The following COL18A1 variants were observed in gnomAD, a reference collection of about 807,000 sequenced individuals.
The protein encoded by COL18A1 is collagen type XVIII alpha 1 chain.
A neutral mutation model predicts 168.0 loss-of-function variants in COL18A1; 133 were observed. That is an observed-to-expected ratio of 0.79 (90% CI 0.69 to 0.91). The LOEUF is 0.91. COL18A1 is among the 40% of genes least tolerant of loss of function. The pLI is 0.00. For missense variants in COL18A1, 2,126 were observed against 1,925.4 expected (o/e 1.10, Z -1.95); for synonymous variants, 949 against 809.0 (o/e 1.17, Z -2.94).
chr21:45,466,042 G>T (rs2035196439), intron 2 of COL18A1, among the ~76,000 whole-genome samples: 1 of 152,158 alleles, frequency 6.6e-6, no homozygotes, highest in African/African-American at 2.4e-5. Context: ...ACTCACAGGA[G>T]ACCCCCAGTC....
intron 2 of COL18A1, among the ~76,000 whole-genome samples, chr21:45,433,927 C>T (rs75835462): frequency 0.019 from 2,838 of 151,976 alleles, 91 homozygotes; most frequent in African/African-American, 0.064. Context: ...CCAGGAACCC[C>T]AGTTTTTGTG....
Position 45,463,688 on chromosome 21 carries a change from G to A in COL18A1, c.107-4554G>A, listed in dbSNP as rs141952707. ...CGAGGCATGCGGATCGCCTGAGGTC[G>A]GGAGTTGGAGACCAGCCTGACCAAC... On this transcript the variant is annotated intron_variant, in intron 2 of 41. Coordinates refer to ENST00000651438, the MANE Select transcript of COL18A1 (RefSeq NM_001379500.1). The surrounding 1 kb of genome is among the most constrained non-coding windows in gnomAD (Gnocchi z 4.0). Among the ~76,000 whole-genome samples, 616 of 152,194 alleles carry A rather than the reference G, an allele frequency of 4.0e-3. 6 individuals are homozygous for A. Among genetic ancestry groups the A allele is most frequent in the African/African-American group, 0.014 (595 of 41,534 alleles).
intron 2 of COL18A1, among the ~76,000 whole-genome samples, chr21:45,445,309 A>G (rs2034480977): frequency 6.6e-6 from 1 of 152,188 alleles, no homozygotes; most frequent in Non-Finnish European, 1.5e-5. Flanking sequence ...GCTGTCACTG[A>G]ATAATGTCCC....
chr21:45,490,596 C>T (rs1568921970), intron 20 of COL18A1, among the ~76,000 whole-genome samples: 3 of 150,468 alleles, frequency 2.0e-5, no homozygotes, highest in Non-Finnish European at 4.4e-5. Context: ...CTCCGTGTGC[C>T]CTCCCGGGTC....
chr21:45,486,334 C>T lies in COL18A1; in HGVS notation c.1702-527C>T, dbSNP rs189947652. On this transcript the variant is annotated intron_variant, in intron 15 of 41. Transcript: ENST00000651438. ...TCTCCTCTCTTCTCCCCTCGCCTGC[C>T]GGGGAGCCAGGGCTGGTCCCAGGGT... Among the ~76,000 whole-genome samples the T allele has an allele frequency of 2.3e-4, 30 of 129,168 alleles. 1 individual carries two copies. The East Asian group carries it at 6.3e-3, about 27-fold the overall frequency. 84.7% of individuals were successfully genotyped at this position (129,168 alleles called of 152,430 possible).
intron 18 of COL18A1, among the ~76,000 whole-genome samples, 164 bp from the exon 19 acceptor site, chr21:45,489,322 C>T (rs2036219234): frequency 6.6e-6 from 1 of 152,196 alleles, no homozygotes; most frequent in African/African-American, 2.4e-5. Context: ...CCACGGGGTC[C>T]CTGCACAAGT....
rs1421453146 is a variant in COL18A1, at chr21:45,457,071, A to G, written c.107-11171A>G. Among the ~76,000 whole-genome samples, 5 of 152,116 alleles carry G rather than the reference A, an allele frequency of 3.3e-5. No homozygotes were observed. The highest frequency in any genetic ancestry group is 1.3e-4 in the Admixed American group (2 of 15,286). On this transcript the variant is annotated intron_variant, in intron 2 of 41. Transcript: ENST00000651438. The surrounding 1 kb of genome is among the most constrained non-coding windows in gnomAD (Gnocchi z 4.6). ...GTGGGGAGGAGGCCGGCGTCTGGAC[A>G]GGAAGAGGGCTGGATGAACCGCAGC...
intron 2 of COL18A1, among the ~76,000 whole-genome samples, chr21:45,461,460 C>G (rs2035044462): frequency 6.6e-6 from 1 of 152,142 alleles, no homozygotes; most frequent in South Asian, 2.1e-4. Context: ...GCACCAGTCC[C>G]TACCCCTTAT....
At position 45,509,550 on chromosome 21, in the gene COL18A1, G is replaced by T; in HGVS notation, c.3444G>T (p.Pro1148=). ...PHHSSYVHLR[P]ARPTSPPAHS... Reference sequence around the variant, plus strand: ...ACAGCTCCTACGTGCACCTGCGGCCGGCGCGACCCACAAGCCCACCCGCCC... The same window carrying T: ...ACAGCTCCTACGTGCACCTGCGGCCTGCGCGACCCACAAGCCCACCCGCCC... The change falls in exon 39 of 42, where the codon CCG becomes CCT. Residue 1148 remains proline (P), a synonymous_variant. Transcript: ENST00000651438. 1.3e-6 allele frequency: 2 copies of T among 1,536,742 alleles called. No individual in the cohort carries two copies. The highest frequency in any genetic ancestry group is 2.4e-5 in the East Asian group (1 of 41,346).
rs187591322 is a variant in COL18A1 at position 45,428,621 on chromosome 21, G to A, written c.106+23148G>A. 5.6e-4 allele frequency among the ~76,000 whole-genome samples: 86 copies of A among 152,312 alleles called. 1 individual carries two copies. In the East Asian group the frequency reaches 0.014, roughly 25 times the overall value. ...GAGAGAGGGAGCCCTGGGCCATCAC[G>A]CAGCCACCGCCCGGCCCCAAGAACC... On this transcript the variant is annotated intron_variant, in intron 2 of 41. Transcript: ENST00000651438.
chr21:45,413,257 G>A (rs760580378), intron 2 of COL18A1, among the ~76,000 whole-genome samples: 5 of 152,224 alleles, frequency 3.3e-5, no homozygotes, highest in South Asian at 2.1e-4. Flanking sequence ...TGAGCCCCGC[G>A]CTGTGCCTGC....
At chr21:45,509,005 G>A (rs2037412982) in intron 38 of COL18A1, among the ~76,000 whole-genome samples, 2 of 152,150 alleles carry the variant, frequency 1.3e-5, no homozygotes, top group Non-Finnish European at 1.5e-5. Context: ...CAAGGCCCTG[G>A]GAGATTAGAA....
intron 2 of COL18A1, among the ~76,000 whole-genome samples, chr21:45,416,636 C>T (rs1051555339): frequency 8.5e-5 from 13 of 152,236 alleles, no homozygotes; most frequent in African/African-American, 2.7e-4. Flanking sequence ...CCTGGTCACC[C>T]GGCATCTCTT....
At position 45,405,561 on chromosome 21, in the gene COL18A1, C is replaced by T. The variant is rs986441476; in HGVS notation, c.106+88C>T. The T allele has an allele frequency of 3.5e-5, 28 of 790,546 alleles. No homozygotes were observed. The African/African-American group carries it at 4.6e-4, about 13-fold the overall frequency. 49.0% of individuals were successfully genotyped at this position (790,546 alleles called of 1,614,324 possible). A position where few individuals can be genotyped will look rare whatever the true frequency, so the allele number is the denominator to read the frequency against. On this transcript the variant is annotated intron_variant, in intron 2 of 41. Coordinates refer to ENST00000651438, the MANE Select transcript of COL18A1 (RefSeq NM_001379500.1). ...GGGTCCCCGCCCGGCTCCCTCACCC[C>T]CGCCCCGGCCGCTCTGGGTTCAGCC...
At chr21:45,489,342 T>C (rs1183248633) in intron 18 of COL18A1, 144 bp from the exon 19 acceptor site, 2 of 739,064 alleles carry the variant, frequency 2.7e-6, no homozygotes, top group African/African-American at 3.5e-5. Flanking sequence ...TTGCTCAGTG[T>C]CCCTGGGACC....
intron 2 of COL18A1, among the ~76,000 whole-genome samples, chr21:45,436,110 T>A (rs989558472): frequency 3.9e-5 from 6 of 152,198 alleles, no homozygotes; most frequent in Admixed American, 1.3e-4. Flanking sequence ...GTATCCTCTG[T>A]GAGCAAGAGC....
In COL18A1 at chr21:45,512,413, C is replaced by A. The variant is rs149459132; in HGVS notation, c.*15C>A. ...CCTCCAAGTAGCCACCGCCTGGATG[C>A]GGATGGCCGGAGAGGACCGGCGGCT... On this transcript the variant is annotated 3_prime_UTR_variant, in exon 42 of 42. Transcript: ENST00000651438. 1,014 of 1,610,090 alleles carry A rather than the reference C, an allele frequency of 6.3e-4. 6 individuals are homozygous for A. In the African/African-American group the frequency reaches 0.012, roughly 20 times the overall value.
In COL18A1 at chr21:45,480,105, A is replaced by G; in HGVS notation, c.1347A>G (p.Gly449=). The change falls in exon 11 of 42, where the codon GGA becomes GGG. Residue 449 remains glycine (G), a synonymous_variant. Transcript: ENST00000651438. ...DPGVGERGPP[G]PQGPPGPPGP... Reference sequence around the variant, plus strand: ...GGGTTGGAGAGAGAGGGCCCCCAGGACCCCAAGGGCCTCCAGGGCCCCCAG... The same window carrying G: ...GGGTTGGAGAGAGAGGGCCCCCAGGGCCCCAAGGGCCTCCAGGGCCCCCAG... 3 of 1,607,064 alleles carry G rather than the reference A, an allele frequency of 1.9e-6. No homozygotes were observed. The highest frequency in any genetic ancestry group is 2.6e-6 in the Non-Finnish European group (3 of 1,174,230).
rs1232250920 is a variant in COL18A1, at chr21:45,478,369, T to C, written c.1248+16T>C. 6.2e-7 allele frequency: 1 copy of C among 1,614,172 alleles called. No homozygotes were observed. ...CGGAAAGCCGGTGAGTCTGCTTTTCTTTCTGACCCCTGTGTTATCTGTGAT... is the reference window on the plus strand; with the variant it reads ...CGGAAAGCCGGTGAGTCTGCTTTTCCTTCTGACCCCTGTGTTATCTGTGAT... On this transcript the variant is annotated intron_variant, in intron 9 of 41. Transcript: ENST00000651438.
Sources: gnomAD v4.1 joint callset for allele counts (sites outside exome capture counted in the v4.1 genomes callset) on GRCh38, gnomAD v4.1.1 for gene constraint, Gnocchi (gnomAD v3.1) non-coding constraint, MANE v1.5 for transcripts, NCBI Gene and HGNC (gene_info 2026-07-23, HGNC 2026-07-21) for gene names.